Variants in PGD observed in about 807,000 individuals in gnomAD.
PGD encodes the protein 6-phosphogluconate dehydrogenase, decarboxylating.
In PGD, 21 loss-of-function variants were observed where a neutral mutation model predicts 60.4. The observed-to-expected ratio is 0.35, with a 90% CI of 0.25 to 0.50. The LOEUF (loss-of-function observed/expected upper bound fraction) is 0.50. PGD is among the 20% of genes least tolerant of loss of function. The pLI, the probability that PGD is intolerant of heterozygous loss-of-function variation, is 0.98. For synonymous variants in PGD, 230 were observed against 235.9 expected (o/e 0.97, Z 0.23); for missense variants, 477 against 613.1 (o/e 0.78, Z 2.34).
At position 10,417,327 on chromosome 1, in the gene PGD, G is replaced by A. The variant is rs763198716; in HGVS notation, c.976-49G>A. On this transcript the variant is annotated intron_variant, in intron 9 of 12. Transcript: ENST00000270776. ...AGAATAAGACTGGTAGACATAAGGC[G>A]GTCACTCTCCTAATGGCAATCCTAG... 2.8e-5 allele frequency: 44 copies of A among 1,561,134 alleles called. No individual in the cohort carries two copies. The African/African-American group carries it at 3.9e-4, about 14-fold the overall frequency.
intron 4 of PGD, 76 bp from the exon 5 acceptor site, chr1:10,404,085 T>C: frequency 2.0e-6 from 2 of 1,022,916 alleles, no homozygotes; most frequent in Non-Finnish European, 2.9e-6. Context: ...AAGGGAAACA[T>C]TTTTGGGTAG....
chr1:10,419,742 A>G lies in PGD; in HGVS notation c.1445A>G (p.Asn482Ser), dbSNP rs533965169. The G allele has an allele frequency of 1.9e-6, 3 of 1,614,204 alleles. No homozygotes were observed. The highest frequency in any genetic ancestry group is 1.7e-6 in the Non-Finnish European group (2 of 1,180,028). The change falls in exon 13 of 13, where the codon AAT becomes AGT. Residue 482 changes from asparagine to serine, a missense_variant. This residue lies in a region of PGD where 44 missense variants were observed against 40.3 expected (regional missense o/e 1.09). Coordinates refer to ENST00000270776, the MANE Select transcript of PGD (RefSeq NM_002631.4). Reference protein sequence around the residue: ...HGGTVSSSSYNA With the variant: ...HGGTVSSSSYSA ...GGCACCGTGTCATCCTCGTCATACA[A>G]TGCCTGATCATGCTGCTCCTGTCAC...
Position 10,403,966 on chromosome 1 carries a change from C to A in PGD, c.331-195C>A, listed in dbSNP as rs143566612. On this transcript the variant is annotated intron_variant, in intron 4 of 12. Coordinates refer to ENST00000270776, the MANE Select transcript of PGD (RefSeq NM_002631.4). Reference sequence around the variant, plus strand: ...GTTGTATTGTTTTGTTTTTTAACTCCTACACATAGGGGATTAACTTTCCTG... The same window carrying A: ...GTTGTATTGTTTTGTTTTTTAACTCATACACATAGGGGATTAACTTTCCTG... Among the ~76,000 whole-genome samples the A allele has an allele frequency of 7.1e-3, 1,078 of 152,252 alleles. 8 individuals are homozygous for A. The highest frequency in any genetic ancestry group is 0.011 in the Non-Finnish European group (773 of 68,018).
chr1:10,410,437 G>A (rs1017351726), intron 6 of PGD, among the ~76,000 whole-genome samples: 4 of 150,590 alleles, frequency 2.7e-5, no homozygotes, highest in Non-Finnish European at 4.4e-5. Context: ...GCGAGACTCC[G>A]TTTCAAAAAA....
In PGD at chr1:10,404,140, AATT is replaced by A. The variant is rs1354167111; in HGVS notation, c.331-17_331-15del. ...ATAATGAAACATGGAAGCATAATGAAATTATTTTTCTGTCCTTCAGAGACGGTG... is the reference window on the plus strand; with the variant it reads ...ATAATGAAACATGGAAGCATAATGAAATTTTTCTGTCCTTCAGAGACGGTG... On this transcript the variant is annotated intron_variant, in intron 4 of 12. Transcript: ENST00000270776. 6.7e-7 allele frequency: 1 copy of A among 1,502,032 alleles called. No homozygotes were observed. The highest frequency in any genetic ancestry group is 9.2e-7 in the Non-Finnish European group (1 of 1,092,510). The allele number at this position is 1,502,032 out of a possible 1,614,324, so 93.0% of individuals were successfully genotyped here. A position where few individuals can be genotyped will look rare whatever the true frequency, so the allele number is the denominator to read the frequency against.
intron 6 of PGD, among the ~76,000 whole-genome samples, chr1:10,409,235 A>G (rs528338876): frequency 1.3e-5 from 2 of 152,332 alleles, no homozygotes; most frequent in African/African-American, 4.8e-5. Flanking sequence ...CCTTTGAGGA[A>G]TCCGGGAAGC....
chr1:10,409,063 TCA>T (rs749654159), intron 6 of PGD, among the ~76,000 whole-genome samples: 2 of 152,254 alleles, frequency 1.3e-5, no homozygotes, highest in Non-Finnish European at 1.5e-5. Flanking sequence ...TTCATGGACT[TCA>T]GTTTCCTTAT....
At chr1:10,412,679 AAGAC>A (rs1316817572) in intron 7 of PGD, among the ~76,000 whole-genome samples, 2 of 152,314 alleles carry the variant, frequency 1.3e-5, no homozygotes, top group East Asian at 1.9e-4. Flanking sequence ...CGGAGCTGGG[AAGAC>A]AGACAGAAAT....
intron 3 of PGD, among the ~76,000 whole-genome samples, chr1:10,402,186 T>C (rs2102385612): frequency 6.6e-6 from 1 of 152,298 alleles, no homozygotes; most frequent in Non-Finnish European, 1.5e-5. Flanking sequence ...GATATGTATT[T>C]ACTGAATCCC....
intron 7 of PGD, 53 bp downstream of exon 7, chr1:10,411,605 C>T (rs1248221305): frequency 3.1e-6 from 5 of 1,604,174 alleles, no homozygotes; most frequent in Non-Finnish European, 4.3e-6. Flanking sequence ...GCTCACTTTG[C>T]CACAGACACC....
rs772431360 is a variant in PGD, at chr1:10,419,500, C to T, written c.1293C>T (p.Asp431=). The T allele has an allele frequency of 3.5e-5, 57 of 1,614,088 alleles. No individual in the cohort carries two copies. Among genetic ancestry groups the T allele is most frequent in the African/African-American group, 1.5e-4 (11 of 74,930 alleles). Residue 431 remains aspartate, a synonymous_variant, in exon 12 of 13, where the codon GAC becomes GAT. Transcript: ENST00000270776. ...PCFTTALSFY[D]GYRHEMLPAS... ...TTACCACTGCCCTCTCCTTCTATGA[C>T]GGGTACAGACATGAGATGCTTCCAG...
At chr1:10,399,597 C>G in intron 1 of PGD, 32 bp from the exon 2 acceptor site, 1 of 1,603,630 alleles carries the variant, frequency 6.2e-7, no homozygotes, top group Non-Finnish European at 8.5e-7. Flanking sequence ...GCGGTGCTGA[C>G]TCTTTCCTTT....
At chr1:10,406,313 A>G (rs1639403478) in intron 5 of PGD, among the ~76,000 whole-genome samples, 1 of 151,932 alleles carries the variant, frequency 6.6e-6, no homozygotes. Flanking sequence ...TATTCAGGAG[A>G]CTGAGGTGAG....
At chr1:10,399,570 G>A in intron 1 of PGD, 59 bp from the exon 2 acceptor site, 1 of 1,464,008 alleles carries the variant, frequency 6.8e-7, no homozygotes, top group African/African-American at 1.4e-5. Flanking sequence ...CCGGACCCCT[G>A]GGTTGCAGCG....
intron 10 of PGD, 40 bp from the exon 11 acceptor site, chr1:10,418,786 A>AAG: frequency 7.9e-7 from 1 of 1,263,794 alleles, no homozygotes; most frequent in East Asian, 2.3e-5. Context: ...AAAAAAAAAA[A>AAG]AAAAGACTCA....
chr1:10,413,465 A>G (rs191525655), intron 8 of PGD, among the ~76,000 whole-genome samples: 4 of 152,300 alleles, frequency 2.6e-5, no homozygotes, highest in Non-Finnish European at 5.9e-5. Context: ...CATTCGTACA[A>G]ACTGTGAGGT....
At chr1:10,399,786 G>C (rs1006041365) in intron 2 of PGD, 82 bp downstream of exon 2, 1 of 1,190,480 alleles carries the variant, frequency 8.4e-7, no homozygotes, top group Non-Finnish European at 1.3e-6. Context: ...GAGCTTACGG[G>C]TCTCCTGGCC....
In PGD at chr1:10,417,553, G is replaced by A. The variant is rs372544972; in HGVS notation, c.1109+44G>A. 402 of 1,571,180 alleles carry A rather than the reference G, an allele frequency of 2.6e-4. 1 individual carries two copies. The highest frequency in any genetic ancestry group is 3.4e-4 in the Non-Finnish European group (390 of 1,158,272). ...AGGGTCCGACGGGAAGGACTCACAC[G>A]GCTGTGCAGAAGTGCGATCTTAGGA... On this transcript the variant is annotated intron_variant, in intron 10 of 12. Coordinates refer to ENST00000270776, the MANE Select transcript of PGD (RefSeq NM_002631.4).
intron 5 of PGD, among the ~76,000 whole-genome samples, chr1:10,407,860 T>C (rs1311842618): frequency 1.3e-5 from 2 of 151,462 alleles, no homozygotes; most frequent in African/African-American, 4.9e-5. Context: ...GCAGGAAGAT[T>C]ACTTGAACCT....
Sources: allele counts gnomAD v4.1 joint callset (sites outside exome capture counted in the v4.1 genomes callset), GRCh38; gene constraint gnomAD v4.1.1; regional missense constraint gnomAD v4.1.1; transcripts MANE v1.5; gene names NCBI Gene and HGNC (gene_info 2026-07-23, HGNC 2026-07-21).